SNAPC2: variants seen among roughly 807,000 people sequenced by gnomAD.
SNAPC2 encodes the protein small nuclear RNA activating complex polypeptide 2.
In SNAPC2, 27 loss-of-function variants were observed where a neutral mutation model predicts 22.9. The ratio of observed to expected loss-of-function variants is 1.18; its 90% CI spans 0.87 to 1.63. SNAPC2 has a LOEUF of 1.63. Among genes scored for constraint, SNAPC2 ranks in the 40% most tolerant of loss-of-function variants. SNAPC2 has a pLI of 0.00. For missense variants in SNAPC2, 570 were observed against 449.1 expected (o/e 1.27, Z -2.43); for synonymous variants, 272 against 201.0 (o/e 1.35, Z -2.99).
Position 7,922,636 on chromosome 19 carries a change from C to A in SNAPC2, c.877C>A (p.Pro293Thr). 3.1e-6 allele frequency: 5 copies of A among 1,611,806 alleles called. No homozygotes were observed. Among genetic ancestry groups the A allele is most frequent in the Non-Finnish European group, 4.2e-6 (5 of 1,179,146 alleles). ...TGGCTCCAAGGCACCAGAGGAGACC[C>A]CCCCAGCCACCGAGAAGGCCGAGCA... Reference protein sequence around the residue: ...GAGSKAPEETPPATEKAEHSE... With the variant: ...GAGSKAPEETTPATEKAEHSE... Residue 293 changes from proline (P) to threonine (T), a missense_variant, in exon 5 of 5, where the codon CCC (proline) becomes ACC (threonine). Transcript: ENST00000221573.
Position 7,920,489 on chromosome 19 carries a change from C to T in SNAPC2, c.123C>T (p.Gly41=), listed in dbSNP as rs995040917. Residue 41 remains glycine, a synonymous_variant, in exon 1 of 5, where the codon GGC becomes GGT. Transcript: ENST00000221573. ...QLVRLLQARQ[G]QPEPDATELA... ...TGCGACTCCTGCAGGCGCGGCAGGG[C>T]CAGCCGGAGCCGGACGCCACCGAGC... 6.6e-7 allele frequency: 1 copy of T among 1,508,310 alleles called. No homozygotes were observed. The highest frequency in any genetic ancestry group is 2.7e-5 in the East Asian group (1 of 37,320). The allele number at this position is 1,508,310 out of a possible 1,614,324, so 93.4% of individuals were successfully genotyped here. A position where few individuals can be genotyped will look rare whatever the true frequency, so the allele number is the denominator to read the frequency against.
chr19:7,922,398 C>T, intron 4 of SNAPC2, 47 bp from the exon 5 acceptor site: 1 of 1,589,920 alleles, frequency 6.3e-7, no homozygotes, highest in Non-Finnish European at 8.6e-7. Flanking sequence ...GGGTCCCTGG[C>T]AGCAGGCAGG....
At chr19:7,921,799 A>G (rs780299508) in intron 3 of SNAPC2, 26 bp downstream of exon 3, 32 of 1,606,644 alleles carry the variant, frequency 2.0e-5, no homozygotes, top group Middle Eastern at 3.3e-4. Context: ...CAGGCAGGTC[A>G]GGGTGTCCCA....
At chr19:7,922,415 C>T in intron 4 of SNAPC2, 30 bp from the exon 5 acceptor site, 1 of 1,581,592 alleles carries the variant, frequency 6.3e-7, no homozygotes, top group Non-Finnish European at 8.6e-7. Context: ...CAGGGGTGTC[C>T]CCTTACCCCT....
Position 7,922,882 on chromosome 19 carries a change from C to T in SNAPC2, c.*118C>T, listed in dbSNP as rs1461686027. On this transcript the variant is annotated 3_prime_UTR_variant, in exon 5 of 5. Transcript: ENST00000221573. ...GGGGGAAGGTCCTTGAGATGATGCT[C>T]AGCTGTGGGGCGGGCCTCTAAGATG... is the stretch of plus-strand genomic sequence containing the variant. The T allele has an allele frequency of 4.9e-6, 4 of 821,026 alleles. No individual in the cohort carries two copies. The highest frequency in any genetic ancestry group is 3.6e-4 in the Middle Eastern group (1 of 2,744). The allele number at this position is 821,026 out of a possible 1,614,324, so 50.9% of individuals were successfully genotyped here.
At chr19:7,920,666 G>A in intron 1 of SNAPC2, 117 bp downstream of exon 1, 2 of 644,196 alleles carry the variant, frequency 3.1e-6, no homozygotes, top group Admixed American at 4.2e-5. Context: ...AAGCGAGCGG[G>A]GGCGTGGCGT....
At chr19:7,921,020 G>T in intron 1 of SNAPC2, 2 of 1,143,594 alleles carry the variant, frequency 1.7e-6, no homozygotes, top group Non-Finnish European at 2.2e-6. Context: ...GTAATGCGTG[G>T]GTGAGGCGAG....
rs557924980 is a variant in SNAPC2 at position 7,920,537 on chromosome 19, G to A, written c.171G>A (p.Arg57=). The A allele has an allele frequency of 9.8e-6, 14 of 1,425,746 alleles. No homozygotes were observed. Among genetic ancestry groups the A allele is most frequent in the South Asian group, 1.4e-5 (1 of 70,184 alleles). The allele number at this position is 1,425,746 out of a possible 1,614,324, so 88.3% of individuals were successfully genotyped here. The part of the protein sequence containing the change: ...ATELARELRG[R]SEAEIRVFLQ... ...AGCTGGCCCGGGAGCTGCGGGGCCG[G>A]AGCGAGGCTGAGGTGAGATGCGGTT... Residue 57 remains arginine, a synonymous_variant, in exon 1 of 5, where the codon CGG becomes CGA. Transcript: ENST00000221573.
chr19:7,922,091 G>A lies in SNAPC2; in HGVS notation c.429G>A (p.Lys143=), dbSNP rs1983596457. ...PVTLLHSKPP[K]PTQARGKPLL... The stretch of plus-strand genomic sequence containing the variant: ...CCCTCCTGCACTCCAAGCCCCCCAA[G>A]CCCACGCAGGCCCGTGGAAAGCCTT... Residue 143 remains lysine (K), a synonymous_variant, in exon 4 of 5, where the codon AAG becomes AAA. Transcript: ENST00000221573. 6.2e-7 allele frequency: 1 copy of A among 1,613,742 alleles called. No homozygotes were observed. Among genetic ancestry groups the A allele is most frequent in the Non-Finnish European group, 8.5e-7 (1 of 1,179,876 alleles).
At chr19:7,920,572 G>T in intron 1 of SNAPC2, 23 bp downstream of exon 1, 2 of 1,269,792 alleles carry the variant, frequency 1.6e-6, no homozygotes, top group Non-Finnish European at 2.1e-6. Flanking sequence ...TCTCGGGACC[G>T]GAGCCAGGCT....
In SNAPC2 at chr19:7,923,067, G is replaced by A. The variant is rs935110984; in HGVS notation, c.*303G>A. 2.8e-6 allele frequency: 1 copy of A among 363,052 alleles called. No individual in the cohort carries two copies. The highest frequency in any genetic ancestry group is 5.0e-6 in the Non-Finnish European group (1 of 200,866). The allele number at this position is 363,052 out of a possible 1,614,324, so 22.5% of individuals were successfully genotyped here. On this transcript the variant is annotated 3_prime_UTR_variant, in exon 5 of 5. Transcript: ENST00000221573. Reference sequence around the variant, plus strand: ...CACTGTGCCTTGTTGTCTGCTGGGGGGCCATAGCTGGCACTGCCCACCGTA... The same window carrying A: ...CACTGTGCCTTGTTGTCTGCTGGGGAGCCATAGCTGGCACTGCCCACCGTA...
chr19:7,922,684 C>A lies in SNAPC2; in HGVS notation c.925C>A (p.Gln309Lys), dbSNP rs540359836. 5.0e-6 allele frequency: 8 copies of A among 1,613,494 alleles called. No individual in the cohort carries two copies. Among genetic ancestry groups the A allele is most frequent in the Non-Finnish European group, 6.8e-6 (8 of 1,179,896 alleles). ...GCACAGCGAACTGAAATCGCCTTGG[C>A]AAGCAGCTGGGATCTGTCCCCTGAA... ...AEHSELKSPW[Q>K]AAGICPLNPF... is the part of the protein sequence containing the mutation. Residue 309 changes from glutamine to lysine, a missense_variant, in exon 5 of 5, where the codon CAA (glutamine) becomes AAA (lysine). Gln to Lys is a moderately conservative substitution (Grantham distance 53, BLOSUM62 1). Coordinates refer to ENST00000221573, the MANE Select transcript of SNAPC2 (RefSeq NM_003083.4).
chr19:7,921,157 T>G, intron 1 of SNAPC2: 4 of 1,373,758 alleles, frequency 2.9e-6, no homozygotes, highest in South Asian at 1.6e-5. Flanking sequence ...AAGAAGGGAG[T>G]TGAACGGGGT....
At chr19:7,920,994 C>G in intron 1 of SNAPC2, 1 of 1,124,114 alleles carries the variant, frequency 8.9e-7, no homozygotes, top group Non-Finnish European at 1.1e-6. Context: ...GCTTTAAAGG[C>G]GGGGCGAGCC....
chr19:7,922,323 C>T lies in SNAPC2; in HGVS notation c.661C>T (p.Arg221Cys), dbSNP rs748259097. ...CTTGTCCTCTGTCTCCCGAAGTGGCCGCAGCCCCGAGCTCTCAGCAGCTGG... is the reference window on the plus strand; with the variant it reads ...CTTGTCCTCTGTCTCCCGAAGTGGCTGCAGCCCCGAGCTCTCAGCAGCTGG... Reference protein sequence around the residue: ...KYLSSVSRSGRSPELSAAESA... With the variant: ...KYLSSVSRSGCSPELSAAESA... The change falls in exon 4 of 5, where the codon CGC (arginine) becomes TGC (cysteine). Residue 221 changes from arginine to cysteine, a missense_variant. By Grantham distance (180) the Arg-to-Cys change is radical. Coordinates refer to ENST00000221573, the MANE Select transcript of SNAPC2 (RefSeq NM_003083.4). 34 of 1,613,476 alleles carry T rather than the reference C, an allele frequency of 2.1e-5. No individual in the cohort carries two copies. The highest frequency in any genetic ancestry group is 3.3e-5 in the Admixed American group (2 of 59,994).
intron 3 of SNAPC2, 31 bp downstream of exon 3, chr19:7,921,804 G>A (rs768798309): frequency 1.2e-6 from 2 of 1,603,774 alleles, no homozygotes; most frequent in Non-Finnish European, 8.5e-7. Context: ...AGGTCAGGGT[G>A]TCCCAGAGGA....
At chr19:7,921,070 G>A (rs1009883600) in intron 1 of SNAPC2, 9 of 1,192,010 alleles carry the variant, frequency 7.6e-6, no homozygotes, top group South Asian at 2.1e-5. Context: ...AGATGCTGCC[G>A]AGTCCGGGCG....
Position 7,922,124 on chromosome 19 carries a change from G to C in SNAPC2, c.462G>C (p.Leu154=). The C allele has an allele frequency of 6.2e-7, 1 of 1,614,020 alleles. No individual in the cohort carries two copies. Among genetic ancestry groups the C allele is most frequent in the South Asian group, 1.1e-5 (1 of 91,080 alleles). The change falls in exon 4 of 5, where the codon CTG becomes CTC. Residue 154 remains leucine (L), a synonymous_variant. Coordinates refer to ENST00000221573, the MANE Select transcript of SNAPC2 (RefSeq NM_003083.4). ...PTQARGKPLL[L]SAPGGQEDPA... is the part of the protein sequence containing the mutation. ...AGGCCCGTGGAAAGCCTTTGCTCCTGAGCGCCCCTGGAGGACAGGAAGACC... is the reference window on the plus strand; with the variant it reads ...AGGCCCGTGGAAAGCCTTTGCTCCTCAGCGCCCCTGGAGGACAGGAAGACC...
intron 1 of SNAPC2, chr19:7,920,901 C>T (rs1343451500): frequency 1.2e-5 from 10 of 825,152 alleles, no homozygotes; most frequent in Admixed American, 3.4e-4. Context: ...GGGGGCGGGG[C>T]GTGGGCGGGT....
Sources: gnomAD v4.1 joint callset for allele counts on GRCh38, gnomAD v4.1.1 for gene constraint, MANE v1.5 for transcripts, NCBI Gene and HGNC (gene_info 2026-07-23, HGNC 2026-07-21) for gene names.